ERCC6: variants seen among roughly 807,000 people sequenced by gnomAD.
ERCC6 encodes the protein ERCC excision repair 6, chromatin remodeling factor.
ERCC6 carries 116 observed loss-of-function variants against 158.7 expected under a neutral mutation model. That is an observed-to-expected ratio of 0.73 (90% CI 0.63 to 0.85). ERCC6 has a LOEUF of 0.85. Ranked by LOEUF, ERCC6 falls within the 40% of genes least tolerant of loss-of-function variation. ERCC6 has a pLI of 0.00. For missense variants in ERCC6, 1,698 were observed against 1,799.4 expected (o/e 0.94, Z 1.02); for synonymous variants, 678 against 659.3 (o/e 1.03, Z -0.43).
the ERCC6 span, among the ~76,000 whole-genome samples, chr10:49,437,862 ATTACAG>A: frequency 6.6e-6 from 1 of 152,232 alleles, no homozygotes; most frequent in African/African-American, 2.4e-5. Context: ...TAAAAAAGTA[ATTACAG>A]TTAAAGTCAA....
At chr10:49,503,469 A>T (rs147246818) in intron 6 of ERCC6, 289 of 152,292 alleles carry the variant, frequency 1.9e-3, no homozygotes, top group African/African-American at 6.5e-3. Flanking sequence ...GGATAGTTAC[A>T]AAGATAGCAA....
At chr10:49,523,577 A>G (rs1021285820) in intron 5 of ERCC6, among the ~76,000 whole-genome samples, 2 of 152,244 alleles carry the variant, frequency 1.3e-5, no homozygotes, top group African/African-American at 4.8e-5. Flanking sequence ...TATTCTTTCT[A>G]TGCCAAAGCT....
At chr10:49,516,912 C>A in intron 5 of ERCC6, 3 of 1,614,066 alleles carry the variant, frequency 1.9e-6, no homozygotes, top group Non-Finnish European at 2.5e-6. Flanking sequence ...AGCATCAGAG[C>A]CATCTTGAAT....
downstream of ERCC6, among the ~76,000 whole-genome samples, chr10:49,449,922 G>A (rs1564721621): frequency 6.6e-6 from 1 of 151,878 alleles, no homozygotes; most frequent in Non-Finnish European, 1.5e-5. Flanking sequence ...ACCCAGGCTG[G>A]AGTACAGTGG....
At chr10:49,472,667 G>GT in intron 15 of ERCC6, 197 bp from the exon 16 acceptor site, 1 of 737,982 alleles carries the variant, frequency 1.4e-6, no homozygotes, top group Non-Finnish European at 2.3e-6. Context: ...AAAAATGTTT[G>GT]TAACTTTGCC....
chr10:49,453,279 T>C (rs868399471), downstream of ERCC6, among the ~76,000 whole-genome samples: 29 of 152,194 alleles, frequency 1.9e-4, no homozygotes, highest in African/African-American at 7.0e-4. Context: ...TTAACTCCAA[T>C]AATATATAGA....
chr10:49,472,564 C>T, intron 15 of ERCC6, 94 bp from the exon 16 acceptor site: 1 of 1,303,522 alleles, frequency 7.7e-7, no homozygotes. Flanking sequence ...CTACCTGTCA[C>T]TCCCAGAGTT....
intron 5 of ERCC6, among the ~76,000 whole-genome samples, chr10:49,522,169 C>T (rs1359653958): frequency 6.6e-6 from 1 of 152,156 alleles, no homozygotes; most frequent in East Asian, 1.9e-4. Context: ...CAAACCACTG[C>T]TAAGACAAGC....
intron 6 of ERCC6, chr10:49,502,174 T>C (rs1026303184): frequency 6.6e-6 from 1 of 152,146 alleles, no homozygotes; most frequent in African/African-American, 2.4e-5. Context: ...AGTAAATACG[T>C]CATAATTAAC....
intron 5 of ERCC6, chr10:49,515,699 C>T (rs774616361): frequency 6.8e-6 from 11 of 1,614,156 alleles, no homozygotes; most frequent in Non-Finnish European, 9.3e-6. Context: ...ATGCCCGATA[C>T]TTATCAATGT....
the ERCC6 span, among the ~76,000 whole-genome samples, chr10:49,443,169 C>CT: frequency 6.6e-6 from 1 of 152,118 alleles, no homozygotes; most frequent in Non-Finnish European, 1.5e-5. Flanking sequence ...CTGAAAGAAC[C>CT]TTTTGCCATT....
At chr10:49,503,169 G>A (rs1377446490) in intron 6 of ERCC6, 1 of 152,128 alleles carries the variant, frequency 6.6e-6, no homozygotes, top group Non-Finnish European at 1.5e-5. Flanking sequence ...AACTAAAGTA[G>A]GGAGAGTGCG....
chr10:49,490,598 C>A (rs1851157257), intron 8 of ERCC6, among the ~76,000 whole-genome samples: 1 of 152,134 alleles, frequency 6.6e-6, no homozygotes, highest in Non-Finnish European at 1.5e-5. Flanking sequence ...CGTGATCCAC[C>A]CGCCTCGGCC....
At position 49,457,388 on chromosome 10, in the gene ERCC6, T is replaced by C. The variant is rs1850500500; in HGVS notation, c.*1427A>G. 6.6e-6 allele frequency: 1 copy of C among 152,084 alleles called. No individual in the cohort carries two copies. Among genetic ancestry groups the C allele is most frequent in the Admixed American group, 6.5e-5 (1 of 15,274 alleles). The allele number at this position is 152,084 out of a possible 1,614,324, so 9.4% of individuals were successfully genotyped here. The stretch of plus-strand genomic sequence containing the variant: ...AAAAACTAGAAAATCCTGACAGGAA[T>C]CATATAGAACATCTCTAAGAAAAGG... On this transcript the variant is annotated 3_prime_UTR_variant, in exon 21 of 21. Coordinates refer to ENST00000355832, the MANE Select transcript of ERCC6 (RefSeq NM_000124.4).
At chr10:49,473,453 T>C (rs1021499208) in intron 14 of ERCC6, 24 bp downstream of exon 14, 11 of 1,438,296 alleles carry the variant, frequency 7.6e-6, no homozygotes, top group Non-Finnish European at 9.8e-6. Context: ...ACCACTCAAC[T>C]TCCCTGTTAC....
At chr10:49,514,438 G>T (rs1001243354) in intron 5 of ERCC6, among the ~76,000 whole-genome samples, 1 of 152,176 alleles carries the variant, frequency 6.6e-6, no homozygotes, top group African/African-American at 2.4e-5. Context: ...AATATTAGTT[G>T]CCTGAGATCA....
intron 5 of ERCC6, among the ~76,000 whole-genome samples, chr10:49,510,361 GCCT>G (rs1430845758): frequency 3.9e-5 from 6 of 152,104 alleles, no homozygotes; most frequent in African/African-American, 1.4e-4. Flanking sequence ...CATGTATGCA[GCCT>G]CCTCATCTCT....
At chr10:49,483,150 T>C (rs1451884372) in intron 9 of ERCC6, among the ~76,000 whole-genome samples, 196 bp downstream of exon 9, 1 of 152,134 alleles carries the variant, frequency 6.6e-6, no homozygotes, top group Non-Finnish European at 1.5e-5. Flanking sequence ...TTAAATAACA[T>C]GAACAATCAG....
At chr10:49,442,995 AT>A in the ERCC6 span, among the ~76,000 whole-genome samples, 1 of 152,160 alleles carries the variant, frequency 6.6e-6, no homozygotes, top group Non-Finnish European at 1.5e-5. Context: ...AGATAGAGTG[AT>A]TTTGTTTTCA....
Sources: gnomAD v4.1 joint callset for allele counts (sites outside exome capture counted in the v4.1 genomes callset) on GRCh38, gnomAD v4.1.1 for gene constraint, MANE v1.5 for transcripts, NCBI Gene and HGNC (gene_info 2026-07-23, HGNC 2026-07-21) for gene names.